The following PTBP2 variants were observed in gnomAD, a reference collection of about 807,000 sequenced individuals.
PTBP2 encodes polypyrimidine tract binding protein 2, also known as polypyrimidine tract-binding protein 2.
Under a neutral mutation model 61.4 loss-of-function variants are expected in PTBP2, and 13 were observed. That is an observed-to-expected ratio of 0.21 (90% CI 0.14 to 0.34). The LOEUF is 0.34. Ranked by LOEUF, PTBP2 falls within the 10% of genes least tolerant of loss-of-function variation. The probability of loss-of-function intolerance (pLI) is 1.00; values close to 1 mark genes in which losing one functional copy is unlikely to be tolerated. For synonymous variants in PTBP2, 215 were observed against 218.5 expected (o/e 0.98, Z 0.14); for missense variants, 405 against 642.6 (o/e 0.63, Z 4.00).
At chr1:96,732,458 G>A (rs948571874) in intron 2 of PTBP2, among the ~76,000 whole-genome samples, 2 of 152,072 alleles carry the variant, frequency 1.3e-5, no homozygotes, top group Admixed American at 6.6e-5. Flanking sequence ...GACCCTATTT[G>A]TTATGTTTGT....
chr1:96,733,817 A>G (rs764153870), intron 2 of PTBP2, among the ~76,000 whole-genome samples: 3 of 152,146 alleles, frequency 2.0e-5, no homozygotes, highest in Non-Finnish European at 2.9e-5. Flanking sequence ...AGAAAGACCA[A>G]CTCGTCCTCT....
chr1:96,733,750 C>A (rs976138094), intron 2 of PTBP2, among the ~76,000 whole-genome samples: 6 of 152,118 alleles, frequency 3.9e-5, no homozygotes, highest in Non-Finnish European at 7.4e-5. Context: ...TTACACAGGT[C>A]CACTTATGCA....
rs1163642886 is a variant in PTBP2, at chr1:96,791,826, CTT to C, written c.904+6594_904+6595del. On this transcript the variant is annotated intron_variant, in intron 8 of 13. Coordinates refer to ENST00000674951, the MANE Select transcript of PTBP2 (RefSeq NM_021190.4). Reference sequence around the variant, plus strand: ...TCCACCTCTGTTGCTTGGAGTTGTGCTTTTTTTTTTTTTTTTTTTTTTTGAGA... The same window carrying C: ...TCCACCTCTGTTGCTTGGAGTTGTGCTTTTTTTTTTTTTTTTTTTTTGAGA... Among the ~76,000 whole-genome samples the C allele has an allele frequency of 1.4e-3, 95 of 66,112 alleles. 3 individuals are homozygous for C. The highest frequency in any genetic ancestry group is 6.7e-3 in the African/African-American group (82 of 12,194). The allele number at this position is 66,112 out of a possible 152,430, so 43.4% of individuals were successfully genotyped here. A position where few individuals can be genotyped will look rare whatever the true frequency, so the allele number is the denominator to read the frequency against.
intron 3 of PTBP2, among the ~76,000 whole-genome samples, chr1:96,765,341 G>T (rs1242368442): frequency 2.0e-5 from 3 of 152,166 alleles, no homozygotes; most frequent in Non-Finnish European, 4.4e-5. Context: ...ATAAGGTTTT[G>T]CCGTGTCGTA....
At chr1:96,753,680 T>C (rs111614963) in intron 3 of PTBP2, among the ~76,000 whole-genome samples, 14 of 151,952 alleles carry the variant, frequency 9.2e-5, no homozygotes, top group African/African-American at 2.9e-4. Context: ...TTTTAAGCTG[T>C]AAAGGAAAAG....
chr1:96,796,134 A>AT lies in PTBP2; in HGVS notation c.905-8660dup, dbSNP rs1195517665. Among the ~76,000 whole-genome samples the AT allele has an allele frequency of 2.6e-5, 4 of 152,006 alleles. No individual in the cohort carries two copies. The South Asian group carries it at 6.2e-4, about 24-fold the overall frequency. On this transcript the variant is annotated intron_variant, in intron 8 of 13. Transcript: ENST00000674951. The stretch of plus-strand genomic sequence containing the variant: ...AGGACCATTGTTAGAACCAGAAGAG[A>AT]TTTTTTACCAAGTTCACACAGAAAT...
chr1:96,776,156 T>A (rs1208951447), intron 5 of PTBP2, among the ~76,000 whole-genome samples: 3 of 152,036 alleles, frequency 2.0e-5, no homozygotes, highest in Non-Finnish European at 2.9e-5. Context: ...CAGATGTTAG[T>A]GTTTTTCTAA....
chr1:96,745,498 T>A (rs1653633855), intron 2 of PTBP2, among the ~76,000 whole-genome samples: 1 of 152,094 alleles, frequency 6.6e-6, no homozygotes, highest in African/African-American at 2.4e-5. Flanking sequence ...TACCCTGCCA[T>A]GGGTAGGTGG....
At chr1:96,758,118 A>G (rs1009999675) in intron 3 of PTBP2, among the ~76,000 whole-genome samples, 1 of 152,048 alleles carries the variant, frequency 6.6e-6, no homozygotes, top group African/African-American at 2.4e-5. Flanking sequence ...AAGCAGAGAT[A>G]TATAGAATAT....
At chr1:96,731,488 T>C (rs1302592447) in intron 2 of PTBP2, among the ~76,000 whole-genome samples, 1 of 152,166 alleles carries the variant, frequency 6.6e-6, no homozygotes, top group East Asian at 1.9e-4. Context: ...AATTCAAATA[T>C]ATATATTTGA....
At chr1:96,786,320 G>A (rs1171758102) in intron 8 of PTBP2, among the ~76,000 whole-genome samples, 1 of 152,082 alleles carries the variant, frequency 6.6e-6, no homozygotes, top group Non-Finnish European at 1.5e-5. Flanking sequence ...TCTGGCAGCT[G>A]CAAACAAATC....
chr1:96,741,793 T>C (rs894942607), intron 2 of PTBP2, among the ~76,000 whole-genome samples: 5 of 152,218 alleles, frequency 3.3e-5, no homozygotes, highest in Non-Finnish European at 5.9e-5. Context: ...GTGTAGCATA[T>C]GTTACAGGTT....
exon 14 of PTBP2, chr1:96,822,897 A>G (rs1345266926): frequency 6.6e-6 from 1 of 152,098 alleles, no homozygotes; most frequent in African/African-American, 2.4e-5. Flanking sequence ...TTCATGAAAC[A>G]TGGATATATA....
chr1:96,817,553 C>G (rs138989526), downstream of PTBP2: 1 of 151,936 alleles, frequency 6.6e-6, no homozygotes, highest in Non-Finnish European at 1.5e-5. Context: ...TGTTCAAATA[C>G]GCGGAAAAAT....
At chr1:96,757,398 A>C (rs533960497) in intron 3 of PTBP2, among the ~76,000 whole-genome samples, 1 of 152,252 alleles carries the variant, frequency 6.6e-6, no homozygotes, top group Non-Finnish European at 1.5e-5. Context: ...GTTTATCAGA[A>C]AACATTTCTT....
chr1:96,797,545 A>C (rs1208034783), intron 8 of PTBP2, among the ~76,000 whole-genome samples: 1 of 152,170 alleles, frequency 6.6e-6, no homozygotes, highest in Non-Finnish European at 1.5e-5. Flanking sequence ...TGTGCCTTCC[A>C]GACCCCTTGG....
chr1:96,735,745 TTAAAAATGTGTTGGAAAGGAAGAGAA>T (rs1389963695), intron 2 of PTBP2, among the ~76,000 whole-genome samples: 3 of 152,064 alleles, frequency 2.0e-5, no homozygotes, highest in Non-Finnish European at 4.4e-5. Flanking sequence ...AGGAGAAGCG[TTAAAAATGTGTTGGAAAGGAAGAGAA>T]GTTCTAACAA....
At position 96,736,201 on chromosome 1, in the gene PTBP2, C is replaced by T. The variant is rs1205776511; in HGVS notation, c.39+12607C>T. Among the ~76,000 whole-genome samples the T allele has an allele frequency of 3.3e-5, 5 of 152,170 alleles. No individual in the cohort carries two copies. In the East Asian group the frequency reaches 9.6e-4, roughly 29 times the overall value. On this transcript the variant is annotated intron_variant, in intron 2 of 13. Coordinates refer to ENST00000674951, the MANE Select transcript of PTBP2 (RefSeq NM_021190.4). ...CAATTTAGGAAATGTATCAACAGAC[C>T]CACTGAAGGAATTTCTGGAGTTTGT...
At chr1:96,819,071 A>G (rs571992657), downstream of PTBP2, 1 of 152,068 alleles carries the variant, frequency 6.6e-6, no homozygotes, top group Non-Finnish European at 1.5e-5. Context: ...AGGAATGTCC[A>G]TGTGAACTGA....
Sources: allele counts gnomAD v4.1 joint callset (sites outside exome capture counted in the v4.1 genomes callset), GRCh38; gene constraint gnomAD v4.1.1; transcripts MANE v1.5; gene names NCBI Gene and HGNC (gene_info 2026-07-23, HGNC 2026-07-21).